The following SH3BGR variants were observed in gnomAD, a reference collection of about 807,000 sequenced individuals.
SH3BGR encodes SH3 domain-binding glutamic acid-rich protein.
A neutral mutation model predicts 24.5 loss-of-function variants in SH3BGR; 29 were observed. The observed-to-expected ratio is 1.18, with a 90% CI of 0.88 to 1.61. The LOEUF (loss-of-function observed/expected upper bound fraction) is 1.61, where lower values mean the gene tolerates loss of function less well. Among genes scored for constraint, SH3BGR ranks in the 40% most tolerant of loss-of-function variants. SH3BGR has a pLI of 0.00. For missense variants in SH3BGR, 162 were observed against 205.8 expected, an observed-to-expected ratio of 0.79 and a Z score of 1.30; for synonymous variants, 55 against 65.7, an observed-to-expected ratio of 0.84 and a Z score of 0.79.
intron 3 of SH3BGR, among the ~76,000 whole-genome samples, chr21:39,492,466 GTA>G (rs575260270): frequency 0.075 from 10,426 of 139,458 alleles, 483 homozygotes; most frequent in Non-Finnish European, 0.11. Context: ...GTGTGTGTGT[GTA>G]TATATATATA....
chr21:39,510,651 T>C (rs1278967604), intron 5 of SH3BGR, among the ~76,000 whole-genome samples: 1 of 152,078 alleles, frequency 6.6e-6, no homozygotes, highest in African/African-American at 2.4e-5. Context: ...TACACCATGA[T>C]TTCTCAATAT....
intron 4 of SH3BGR, among the ~76,000 whole-genome samples, chr21:39,507,901 A>G (rs185534440): frequency 6.6e-6 from 1 of 152,170 alleles, no homozygotes; most frequent in Non-Finnish European, 1.5e-5. Context: ...GATTACAGGC[A>G]TGAGCTGTTG....
At chr21:39,491,537 C>T (rs1426290761) in intron 3 of SH3BGR, 2 of 273,278 alleles carry the variant, frequency 7.3e-6, no homozygotes, top group Non-Finnish European at 1.4e-5. Flanking sequence ...TCTAAGGCCT[C>T]AGCTACTTAC....
At chr21:39,477,563 A>T (rs911476688) in intron 3 of SH3BGR, among the ~76,000 whole-genome samples, 1 of 152,188 alleles carries the variant, frequency 6.6e-6, no homozygotes, top group Admixed American at 6.5e-5. Flanking sequence ...CTTAGGATAA[A>T]TTCCCGGTAG....
At chr21:39,509,821 A>T (rs1653184163) in intron 5 of SH3BGR, among the ~76,000 whole-genome samples, 1 of 152,064 alleles carries the variant, frequency 6.6e-6, no homozygotes, top group Admixed American at 6.6e-5. Flanking sequence ...AAAATTATGA[A>T]CACAAGGGTA....
At chr21:39,459,736 T>C (rs2077724020) in intron 1 of SH3BGR, among the ~76,000 whole-genome samples, 1 of 151,846 alleles carries the variant, frequency 6.6e-6, no homozygotes, top group Non-Finnish European at 1.5e-5. Flanking sequence ...CAAAAACTTT[T>C]TGTAGAGGCC....
intron 1 of SH3BGR, 104 bp downstream of exon 1, chr21:39,452,245 G>C: frequency 7.5e-7 from 1 of 1,338,296 alleles, no homozygotes; most frequent in Admixed American, 2.0e-5. Context: ...CGTGTAGTCA[G>C]CTGTGGCTCT....
intron 4 of SH3BGR, 150 bp downstream of exon 4, chr21:39,500,065 C>T: frequency 1.6e-6 from 1 of 627,556 alleles, no homozygotes; most frequent in Non-Finnish European, 2.9e-6. Flanking sequence ...GTAATTTCTA[C>T]TGATGTGTTA....
At chr21:39,462,986 C>A (rs557869620) in intron 2 of SH3BGR, among the ~76,000 whole-genome samples, 2 of 152,122 alleles carry the variant, frequency 1.3e-5, no homozygotes, top group African/African-American at 2.4e-5. Flanking sequence ...TGAGCTCAAG[C>A]GATCCTCTCA....
chr21:39,461,246 C>T (rs1424935705), intron 1 of SH3BGR, among the ~76,000 whole-genome samples: 2 of 151,492 alleles, frequency 1.3e-5, no homozygotes, highest in East Asian at 1.9e-4. Context: ...AAGCGATTCT[C>T]CTGCTTCAGT....
chr21:39,506,543 T>A (rs1397224490), intron 4 of SH3BGR, among the ~76,000 whole-genome samples: 3 of 152,190 alleles, frequency 2.0e-5, no homozygotes, highest in Non-Finnish European at 4.4e-5. Context: ...CTCACAATCA[T>A]GGCAGAAGGC....
chr21:39,482,300 T>G (rs1009799258), intron 3 of SH3BGR, among the ~76,000 whole-genome samples: 4 of 152,086 alleles, frequency 2.6e-5, no homozygotes, highest in Admixed American at 1.3e-4. Context: ...ATGAAAGAAA[T>G]AAATAAAAAG....
chr21:39,464,515 G>C (rs7277633), intron 2 of SH3BGR, among the ~76,000 whole-genome samples: 1 of 151,936 alleles, frequency 6.6e-6, no homozygotes, highest in Non-Finnish European at 1.5e-5. Context: ...AAGCCACCGC[G>C]CCCGGCCCAA....
intron 2 of SH3BGR, among the ~76,000 whole-genome samples, chr21:39,464,316 G>A (rs1036921312): frequency 1.3e-5 from 2 of 152,090 alleles, no homozygotes; most frequent in Non-Finnish European, 1.5e-5. Flanking sequence ...TCTACCTCCT[G>A]GGTTCAAGTG....
At chr21:39,491,907 C>T (rs1463625275) in intron 3 of SH3BGR, 1 of 154,862 alleles carries the variant, frequency 6.5e-6, no homozygotes, top group Non-Finnish European at 1.4e-5. Context: ...ATCTTGGAGG[C>T]ACAGACTGGA....
Position 39,462,376 on chromosome 21 carries a change from T to A in SH3BGR, c.47T>A (p.Ile16Asn). ...FVATSSGSIA[I>N]RKKQQEVVGF... Reference sequence around the variant, plus strand: ...TAATATTTCTCTACTCTTGACCAGATTAGGAAGAAACAGCAAGAAGTAGTG... The same window carrying A: ...TAATATTTCTCTACTCTTGACCAGAATAGGAAGAAACAGCAAGAAGTAGTG... The change falls in exon 2 of 7, where the codon ATT becomes AAT. Residue 16 changes from isoleucine (I) to asparagine (N), a missense_variant and splice_region_variant. Physicochemically the swap from Ile to Asn is moderately radical, Grantham distance 149. Transcript: ENST00000333634. 6.2e-7 allele frequency: 1 copy of A among 1,602,734 alleles called. No individual in the cohort carries two copies.
intron 3 of SH3BGR, among the ~76,000 whole-genome samples, chr21:39,482,108 A>G (rs1366296997): frequency 2.0e-5 from 3 of 152,234 alleles, no homozygotes; most frequent in South Asian, 2.1e-4. Context: ...TCACCAGTCA[A>G]GTGTTCTTGC....
upstream of SH3BGR, among the ~76,000 whole-genome samples, chr21:39,449,441 C>A (rs190862821): frequency 7.2e-4 from 109 of 152,294 alleles, no homozygotes; most frequent in Non-Finnish European, 4.1e-4. Flanking sequence ...CTAAATTATA[C>A]ACCTTCTTTC....
At chr21:39,460,191 G>C (rs1300806318) in intron 1 of SH3BGR, among the ~76,000 whole-genome samples, 1 of 152,164 alleles carries the variant, frequency 6.6e-6, no homozygotes, top group East Asian at 1.9e-4. Context: ...AGTAGGAAAG[G>C]AGGAATCTGT....
Sources: gnomAD v4.1 joint callset for allele counts (sites outside exome capture counted in the v4.1 genomes callset) on GRCh38, gnomAD v4.1.1 for gene constraint, MANE v1.5 for transcripts, NCBI Gene and HGNC (gene_info 2026-07-23, HGNC 2026-07-21) for gene names.